Variants in UBE2N observed in about 807,000 individuals in gnomAD.
UBE2N encodes the protein ubiquitin-conjugating enzyme E2 N.
For synonymous variants in UBE2N, 70 were observed against 69.2 expected (o/e 1.01, Z -0.06); for missense variants, 60 against 192.1 (o/e 0.31, Z 4.07).
chr12:93,438,353 T>G (rs1336593166), intron 1 of UBE2N, among the ~76,000 whole-genome samples: 2 of 151,768 alleles, frequency 1.3e-5, no homozygotes, highest in Non-Finnish European at 2.9e-5. Flanking sequence ...ACGGGACAGG[T>G]TAGGTAGAGG....
chr12:93,410,350 T>G (rs1877996663), intron 3 of UBE2N: 1 of 492,842 alleles, frequency 2.0e-6, no homozygotes. Context: ...CCCACTAATT[T>G]TCTTAAAATC....
chr12:93,428,938 C>A (rs1313059534), intron 1 of UBE2N, among the ~76,000 whole-genome samples: 1 of 152,102 alleles, frequency 6.6e-6, no homozygotes, highest in Non-Finnish European at 1.5e-5. Flanking sequence ...TTACCTGAAC[C>A]ACAACAATAA....
At chr12:93,415,731 C>T (rs914928146) in intron 1 of UBE2N, among the ~76,000 whole-genome samples, 2 of 152,020 alleles carry the variant, frequency 1.3e-5, no homozygotes, top group Non-Finnish European at 2.9e-5. Flanking sequence ...TTTAGAAAGC[C>T]ATAAATTGGG....
intron 1 of UBE2N, among the ~76,000 whole-genome samples, chr12:93,434,991 G>C (rs1051889115): frequency 4.0e-5 from 6 of 151,894 alleles, no homozygotes; most frequent in African/African-American, 1.2e-4. Flanking sequence ...CTGCAGCCCC[G>C]GCCTCCTGGA....
At chr12:93,441,696 A>G (rs1222802891) in intron 1 of UBE2N, among the ~76,000 whole-genome samples, 159 bp downstream of exon 1, 2 of 151,006 alleles carry the variant, frequency 1.3e-5, no homozygotes, top group African/African-American at 2.4e-5. Context: ...CCCCCTCCTC[A>G]GCACCCGACT....
At chr12:93,422,346 G>A (rs1243332579) in intron 1 of UBE2N, among the ~76,000 whole-genome samples, 4 of 152,128 alleles carry the variant, frequency 2.6e-5, no homozygotes, top group African/African-American at 9.7e-5. Flanking sequence ...AGACTTTAGT[G>A]ATTTAAATAA....
In UBE2N at chr12:93,425,376, T is replaced by G. The variant is rs113123429; in HGVS notation, c.31-14077A>C. 3.9e-4 allele frequency among the ~76,000 whole-genome samples: 60 copies of G among 152,320 alleles called. 2 individuals carry two copies. The highest frequency in any genetic ancestry group is 1.2e-3 in the African/African-American group (48 of 41,576). Reference sequence around the variant, plus strand: ...ATGAAAAGCAGCATTTCTACCATCTTGAAAGTCAATTGTCAATTAAGAGGT... The same window carrying G: ...ATGAAAAGCAGCATTTCTACCATCTGGAAAGTCAATTGTCAATTAAGAGGT... On this transcript the variant is annotated intron_variant, in intron 1 of 3. Coordinates refer to ENST00000318066, the MANE Select transcript of UBE2N (RefSeq NM_003348.4).
intron 1 of UBE2N, among the ~76,000 whole-genome samples, chr12:93,425,692 G>A (rs1878559141): frequency 6.6e-6 from 1 of 152,152 alleles, no homozygotes; most frequent in East Asian, 1.9e-4. Flanking sequence ...TGACTGCAAA[G>A]AGCAGGAGTA....
intron 1 of UBE2N, among the ~76,000 whole-genome samples, chr12:93,413,337 G>T (rs147861695): frequency 9.9e-5 from 15 of 152,184 alleles, no homozygotes; most frequent in Admixed American, 2.0e-4. Context: ...ACACTGAAAT[G>T]CACTGGGGCT....
At chr12:93,418,684 A>G (rs1275662066) in intron 1 of UBE2N, among the ~76,000 whole-genome samples, 5 of 152,138 alleles carry the variant, frequency 3.3e-5, no homozygotes, top group Non-Finnish European at 7.3e-5. Flanking sequence ...TCCAACAGAA[A>G]TATAATACAA....
rs1235807588 is a variant in UBE2N, at chr12:93,408,247, TCA to T, written c.*1790_*1791del. Reference sequence around the variant, plus strand: ...GAATTGTTATAAATGACAGCTGCTATCAGTTTTCAAATTTTACAATATTAGGG... The same window carrying T: ...GAATTGTTATAAATGACAGCTGCTATGTTTTCAAATTTTACAATATTAGGG... On this transcript the variant is annotated 3_prime_UTR_variant, in exon 4 of 4. Transcript: ENST00000318066. The T allele has an allele frequency of 1.3e-5, 2 of 152,256 alleles. No homozygotes were observed. Among genetic ancestry groups the T allele is most frequent in the Admixed American group, 1.3e-4 (2 of 15,284 alleles). 9.4% of individuals were successfully genotyped at this position (152,256 alleles called of 1,614,324 possible). A position where few individuals can be genotyped will look rare whatever the true frequency, so the allele number is the denominator to read the frequency against.
At chr12:93,427,399 G>GAA (rs1204610602) in intron 1 of UBE2N, among the ~76,000 whole-genome samples, 6 of 152,108 alleles carry the variant, frequency 3.9e-5, no homozygotes, top group African/African-American at 1.4e-4. Flanking sequence ...GTTTTATTTA[G>GAA]AAAACACTTC....
intron 1 of UBE2N, among the ~76,000 whole-genome samples, chr12:93,415,368 T>G (rs1184768253): frequency 1.3e-5 from 2 of 152,238 alleles, no homozygotes; most frequent in African/African-American, 4.8e-5. Context: ...AATGTGTTAA[T>G]TAAACCCATG....
intron 1 of UBE2N, among the ~76,000 whole-genome samples, chr12:93,414,481 C>T (rs928738533): frequency 3.3e-5 from 5 of 150,746 alleles, no homozygotes; most frequent in Non-Finnish European, 5.9e-5. Flanking sequence ...AGTCATAGTC[C>T]TTGTAATGGG....
intron 1 of UBE2N, among the ~76,000 whole-genome samples, chr12:93,415,979 T>C (rs1420557590): frequency 3.9e-5 from 6 of 152,354 alleles, no homozygotes; most frequent in African/African-American, 1.4e-4. Flanking sequence ...AATGTACATA[T>C]TAAGCACATC....
At chr12:93,413,672 G>C (rs1414926441) in intron 1 of UBE2N, among the ~76,000 whole-genome samples, 2 of 152,108 alleles carry the variant, frequency 1.3e-5, no homozygotes, top group African/African-American at 4.8e-5. Flanking sequence ...CATCTAGCCT[G>C]ATTGGCAAAT....
chr12:93,432,098 G>A (rs1312147597), intron 1 of UBE2N, among the ~76,000 whole-genome samples: 1 of 152,176 alleles, frequency 6.6e-6, no homozygotes, highest in Non-Finnish European at 1.5e-5. Context: ...CGGGTGTGGT[G>A]GCGTGCACCT....
intron 1 of UBE2N, among the ~76,000 whole-genome samples, chr12:93,430,994 C>T (rs1159738711): frequency 2.7e-5 from 4 of 150,428 alleles, no homozygotes; most frequent in Admixed American, 1.3e-4. Context: ...TTTGGGAGGC[C>T]AAGGCGGGCG....
intron 1 of UBE2N, among the ~76,000 whole-genome samples, chr12:93,427,483 T>A (rs1478471668): frequency 6.6e-6 from 1 of 152,142 alleles, no homozygotes; most frequent in African/African-American, 2.4e-5. Flanking sequence ...ACATGCTAAA[T>A]GAAAGAAGCC....
Sources: allele counts gnomAD v4.1 joint callset (sites outside exome capture counted in the v4.1 genomes callset), GRCh38; gene constraint gnomAD v4.1.1; transcripts MANE v1.5; gene names NCBI Gene and HGNC (gene_info 2026-07-23, HGNC 2026-07-21).